The following ADK variants were observed in gnomAD, a reference collection of about 807,000 sequenced individuals.
ADK encodes adenosine kinase, also known as N6,N6-dimethyladenosine kinase.
ADK carries 24 observed loss-of-function variants against 44.7 expected under a neutral mutation model. The observed-to-expected ratio is 0.54, with a 90% CI of 0.39 to 0.76. The LOEUF (loss-of-function observed/expected upper bound fraction) is 0.76, where lower values mean the gene tolerates loss of function less well. ADK is among the 30% of genes least tolerant of loss of function. The probability of loss-of-function intolerance (pLI) is 0.00; values close to 1 mark genes in which losing one functional copy is unlikely to be tolerated. For synonymous variants in ADK, 128 were observed against 142.6 expected (o/e 0.90, Z 0.73); for missense variants, 321 against 425.1 (o/e 0.76, Z 2.15).
intron 4 of ADK, among the ~76,000 whole-genome samples, chr10:74,388,999 T>C (rs78275538): frequency 1.4e-3 from 208 of 152,316 alleles, no homozygotes; most frequent in African/African-American, 4.8e-3. Flanking sequence ...ACCTGCATGA[T>C]GTCAGGGCAC....
chr10:74,178,413 G>A (rs909612247), intron 1 of ADK, among the ~76,000 whole-genome samples: 1 of 152,178 alleles, frequency 6.6e-6, no homozygotes, highest in Non-Finnish European at 1.5e-5. Context: ...ATTAGAATTA[G>A]GCTATTATAC....
intron 3 of ADK, among the ~76,000 whole-genome samples, chr10:74,305,182 T>G (rs1592019353): frequency 6.6e-6 from 1 of 152,200 alleles, no homozygotes. Flanking sequence ...CAGTACATAT[T>G]TTTCCAAATA....
chr10:74,313,008 T>TCAAACG (rs1840497300), intron 3 of ADK, among the ~76,000 whole-genome samples: 1 of 150,560 alleles, frequency 6.6e-6, no homozygotes, highest in Non-Finnish European at 1.5e-5. Context: ...ATTAACAAAC[T>TCAAACG]TATACAATGT....
At chr10:74,694,919 A>G (rs1014270787) in intron 10 of ADK, among the ~76,000 whole-genome samples, 1 of 149,920 alleles carries the variant, frequency 6.7e-6, no homozygotes, top group Non-Finnish European at 1.5e-5. Context: ...CTATTTTTCC[A>G]TTTACATTTA....
chr10:74,314,888 C>T (rs1840563076), intron 4 of ADK, 143 bp downstream of exon 4: 2 of 654,550 alleles, frequency 3.1e-6, no homozygotes, highest in South Asian at 3.6e-5. Flanking sequence ...CATTGCACAT[C>T]TAATCAAAAG....
At chr10:74,694,575 G>T (rs1422244601) in intron 10 of ADK, among the ~76,000 whole-genome samples, 1 of 151,988 alleles carries the variant, frequency 6.6e-6, no homozygotes, top group Non-Finnish European at 1.5e-5. Context: ...CAAACTCCTG[G>T]GCTCAAGCAG....
chr10:74,696,514 C>CTG, intron 10 of ADK, among the ~76,000 whole-genome samples: 1 of 151,316 alleles, frequency 6.6e-6, no homozygotes, highest in South Asian at 2.1e-4. Flanking sequence ...TACAGGCACC[C>CTG]GCCACCACCC....
intron 6 of ADK, among the ~76,000 whole-genome samples, chr10:74,444,349 G>C (rs983979955): frequency 2.0e-5 from 3 of 152,118 alleles, no homozygotes; most frequent in African/African-American, 7.2e-5. Context: ...TAATGGGGCA[G>C]AGTTGTCTGT....
chr10:74,218,213 G>A (rs1421559039), intron 2 of ADK, among the ~76,000 whole-genome samples: 7 of 152,200 alleles, frequency 4.6e-5, no homozygotes, highest in African/African-American at 7.2e-5. Flanking sequence ...CGAGAACTAC[G>A]TGAAGAATGC....
chr10:74,222,044 C>G (rs1012172467), intron 2 of ADK, among the ~76,000 whole-genome samples: 1 of 152,106 alleles, frequency 6.6e-6, no homozygotes, highest in African/African-American at 2.4e-5. Flanking sequence ...TTCTGCACAG[C>G]AAAAGAAACT....
intron 7 of ADK, among the ~76,000 whole-genome samples, chr10:74,528,819 C>T (rs1849166619): frequency 6.6e-6 from 1 of 152,048 alleles, no homozygotes; most frequent in East Asian, 1.9e-4. Flanking sequence ...AAATTAGATA[C>T]CACTTCACAC....
At chr10:74,322,976 C>A (rs969397315) in intron 4 of ADK, among the ~76,000 whole-genome samples, 6 of 152,194 alleles carry the variant, frequency 3.9e-5, no homozygotes, top group African/African-American at 9.7e-5. Context: ...CTACACATAT[C>A]ACAGTTATCC....
intron 3 of ADK, among the ~76,000 whole-genome samples, chr10:74,305,288 A>G (rs908451340): frequency 6.6e-6 from 1 of 152,234 alleles, no homozygotes; most frequent in African/African-American, 2.4e-5. Flanking sequence ...AGATGAATAT[A>G]GAATTAAAGC....
At chr10:74,577,088 C>T (rs527459092) in intron 7 of ADK, among the ~76,000 whole-genome samples, 2 of 147,018 alleles carry the variant, frequency 1.4e-5, no homozygotes, top group South Asian at 2.2e-4. Context: ...ACATGCTCCA[C>T]TTAGTGTTTT....
intron 10 of ADK, among the ~76,000 whole-genome samples, chr10:74,673,359 C>T (rs1174631107): frequency 1.3e-5 from 2 of 152,212 alleles, no homozygotes; most frequent in African/African-American, 4.8e-5. Flanking sequence ...CAGGATATTT[C>T]CCTAAGCCCT....
At chr10:74,401,156 T>C (rs139942746) in intron 6 of ADK, among the ~76,000 whole-genome samples, 228 of 152,348 alleles carry the variant, frequency 1.5e-3, no homozygotes, top group African/African-American at 5.1e-3. Context: ...CTATGGTGAC[T>C]AGGTAATTAT....
chr10:74,557,623 G>A (rs1028858214), intron 7 of ADK, among the ~76,000 whole-genome samples: 12 of 151,912 alleles, frequency 7.9e-5, no homozygotes, highest in African/African-American at 2.2e-4. Context: ...TTTTATTGCC[G>A]CAAGAGAGAG....
At chr10:74,691,235 C>A (rs1855977931) in intron 10 of ADK, among the ~76,000 whole-genome samples, 1 of 152,006 alleles carries the variant, frequency 6.6e-6, no homozygotes, top group African/African-American at 2.4e-5. Context: ...ATTGAAAAAC[C>A]AGATTGACCC....
intron 2 of ADK, among the ~76,000 whole-genome samples, chr10:74,220,677 C>T (rs1844270098): frequency 6.6e-6 from 1 of 152,344 alleles, no homozygotes; most frequent in South Asian, 2.1e-4. Context: ...CCACCATGAT[C>T]AAGTGGGCTT....
Sources: allele counts gnomAD v4.1 joint callset (sites outside exome capture counted in the v4.1 genomes callset), GRCh38; gene constraint gnomAD v4.1.1; transcripts MANE v1.5; gene names NCBI Gene and HGNC (gene_info 2026-07-23, HGNC 2026-07-21).